SPATS2: variants seen among roughly 807,000 people sequenced by gnomAD.
SPATS2 encodes spermatogenesis-associated serine-rich protein 2.
SPATS2 carries 38 observed loss-of-function variants against 63.7 expected under a neutral mutation model. The observed-to-expected ratio is 0.60, with a 90% CI of 0.46 to 0.78. SPATS2 has a LOEUF of 0.78. Among genes scored for constraint, SPATS2 ranks in the 30% least tolerant of loss-of-function variants. SPATS2 has a pLI of 0.00. For missense variants in SPATS2, 588 were observed against 666.2 expected, an observed-to-expected ratio of 0.88 and a Z score of 1.29; for synonymous variants, 207 against 232.9, an observed-to-expected ratio of 0.89 and a Z score of 1.01.
At position 49,371,208 on chromosome 12, in the gene SPATS2, G is replaced by C. The variant is rs1485750958; in HGVS notation, c.-306-20G>C. On this transcript the variant is annotated intron_variant, in intron 1 of 13. Coordinates refer to ENST00000552918, the MANE Select transcript of SPATS2 (RefSeq NM_023071.4). The stretch of plus-strand genomic sequence containing the variant: ...TATATCTATTAAACAATAATTCCTT[G>C]TTTCTCTTTCTCTACCCAGCTGCTG... 1 of 151,990 alleles carries C rather than the reference G, an allele frequency of 6.6e-6. No individual in the cohort carries two copies. The highest frequency in any genetic ancestry group is 2.4e-5 in the African/African-American group (1 of 41,336). 9.4% of individuals were successfully genotyped at this position (151,990 alleles called of 1,614,324 possible). A position where few individuals can be genotyped will look rare whatever the true frequency, so the allele number is the denominator to read the frequency against.
intron 3 of SPATS2, among the ~76,000 whole-genome samples, chr12:49,467,966 C>A (rs945347402): frequency 6.6e-6 from 1 of 152,164 alleles, no homozygotes; most frequent in African/African-American, 2.4e-5. Flanking sequence ...ATCTCCTGAC[C>A]TCGTGATCCA....
chr12:49,468,367 C>T (rs550547409), intron 3 of SPATS2, among the ~76,000 whole-genome samples: 2 of 152,182 alleles, frequency 1.3e-5, no homozygotes, highest in South Asian at 4.2e-4. Context: ...ACCATGTTGG[C>T]CAGGCTGGTC....
chr12:49,382,454 CT>C (rs769914151), intron 2 of SPATS2, among the ~76,000 whole-genome samples: 2 of 152,168 alleles, frequency 1.3e-5, no homozygotes, highest in Non-Finnish European at 2.9e-5. Flanking sequence ...GTATGAAGTG[CT>C]TATTCATCTT....
chr12:49,474,852 A>T (rs1946093044), intron 3 of SPATS2, among the ~76,000 whole-genome samples: 1 of 152,232 alleles, frequency 6.6e-6, no homozygotes, highest in African/African-American at 2.4e-5. Flanking sequence ...AAAGAGGTTT[A>T]TTGGATTTAC....
intron 2 of SPATS2, chr12:49,390,162 C>G: frequency 6.6e-7 from 1 of 1,522,438 alleles, no homozygotes; most frequent in Non-Finnish European, 9.0e-7. Flanking sequence ...TGAGGAAGAG[C>G]TGAAGAGCTT....
At chr12:49,380,274 T>G (rs1404198235) in intron 2 of SPATS2, among the ~76,000 whole-genome samples, 3 of 150,796 alleles carry the variant, frequency 2.0e-5, no homozygotes, top group Admixed American at 6.6e-5. Context: ...ACCTCCCACA[T>G]CAGCCTCCCA....
At chr12:49,367,317 G>T, upstream of SPATS2, 2 of 380,804 alleles carry the variant, frequency 5.3e-6, no homozygotes, top group South Asian at 1.3e-4. Flanking sequence ...CTCCGGGGCG[G>T]GGCGAGCCGC....
At chr12:49,425,870 C>T (rs1228253581) in intron 2 of SPATS2, among the ~76,000 whole-genome samples, 1 of 151,980 alleles carries the variant, frequency 6.6e-6, no homozygotes, top group African/African-American at 2.4e-5. Context: ...TGACCTCAAG[C>T]GATCTGCCTG....
At chr12:49,421,269 TTAGCTGGGC>T (rs1479484708) in intron 2 of SPATS2, among the ~76,000 whole-genome samples, 11 of 151,694 alleles carry the variant, frequency 7.3e-5, no homozygotes, top group Non-Finnish European at 1.5e-4. Context: ...AATACAAAAA[TTAGCTGGGC>T]ATGGTGGCGT....
At chr12:49,509,024 A>G (rs1316392192) in intron 9 of SPATS2, among the ~76,000 whole-genome samples, 1 of 151,876 alleles carries the variant, frequency 6.6e-6, no homozygotes, top group Non-Finnish European at 1.5e-5. Context: ...AGATCATGCC[A>G]CTGCACTCTG....
intron 6 of SPATS2, among the ~76,000 whole-genome samples, chr12:49,494,307 G>A (rs1041799427): frequency 3.3e-5 from 5 of 152,122 alleles, no homozygotes; most frequent in Non-Finnish European, 7.4e-5. Context: ...TAATTGCAGT[G>A]CAGTTTTAAT....
At chr12:49,514,427 A>C (rs1481034818) in intron 9 of SPATS2, 128 bp from the exon 10 acceptor site, 14 of 754,184 alleles carry the variant, frequency 1.9e-5, no homozygotes, top group Non-Finnish European at 2.8e-5. Context: ...TATGTGATCC[A>C]TACAATATTA....
intron 3 of SPATS2, chr12:49,463,723 T>C (rs1453743297): frequency 1.3e-5 from 2 of 152,186 alleles, no homozygotes; most frequent in Admixed American, 1.3e-4. Flanking sequence ...AAAAGAAGGG[T>C]CTATGGTAGT....
intron 2 of SPATS2, among the ~76,000 whole-genome samples, chr12:49,403,148 C>G (rs1178450123): frequency 6.6e-6 from 1 of 152,078 alleles, no homozygotes. Flanking sequence ...CCTGATGTCT[C>G]AAGGCAAATT....
chr12:49,526,423 T>A lies in SPATS2; in HGVS notation c.*168T>A. ...TGTCTCCTTATTTCCTCTTTACCAT[T>A]TTTGGAGGGGAAGCTATTTTTTTTC... On this transcript the variant is annotated 3_prime_UTR_variant, in exon 14 of 14. Transcript: ENST00000552918. The A allele has an allele frequency of 1.2e-6, 1 of 817,466 alleles. No homozygotes were observed. Among genetic ancestry groups the A allele is most frequent in the Non-Finnish European group, 1.8e-6 (1 of 544,402 alleles). The allele number at this position is 817,466 out of a possible 1,614,324, so 50.6% of individuals were successfully genotyped here. A position where few individuals can be genotyped will look rare whatever the true frequency, so the allele number is the denominator to read the frequency against.
intron 2 of SPATS2, among the ~76,000 whole-genome samples, chr12:49,438,790 C>CTTCATTCA (rs554805108): frequency 3.9e-5 from 6 of 152,062 alleles, no homozygotes; most frequent in Non-Finnish European, 7.4e-5. Flanking sequence ...CAGGAGTACT[C>CTTCATTCA]TTCATTCATT....
chr12:49,397,915 C>T (rs1400162759), intron 2 of SPATS2, among the ~76,000 whole-genome samples: 6 of 148,824 alleles, frequency 4.0e-5, no homozygotes, highest in East Asian at 3.9e-4. Flanking sequence ...TGTGGGAGGC[C>T]GAGGTGGGCA....
chr12:49,466,834 T>C (rs960834836), intron 3 of SPATS2, among the ~76,000 whole-genome samples: 1 of 152,158 alleles, frequency 6.6e-6, no homozygotes, highest in African/African-American at 2.4e-5. Flanking sequence ...TACAAGAATA[T>C]CTGCTTGGAA....
rs534400246 is a variant in SPATS2, at chr12:49,503,304, C to T, written c.839+3099C>T. Among the ~76,000 whole-genome samples, 73 of 151,266 alleles carry T rather than the reference C, an allele frequency of 4.8e-4. No homozygotes were observed. In the South Asian group the frequency reaches 0.012, roughly 26 times the overall value. ...GGTGGAGGTTGCAGTGAGCTGAGAT[C>T]GCGCCATTGCACTCCAGCCTGGGCG... is the stretch of plus-strand genomic sequence containing the variant. On this transcript the variant is annotated intron_variant, in intron 9 of 13. Coordinates refer to ENST00000552918, the MANE Select transcript of SPATS2 (RefSeq NM_023071.4).
Sources: gnomAD v4.1 joint callset for allele counts (sites outside exome capture counted in the v4.1 genomes callset) on GRCh38, gnomAD v4.1.1 for gene constraint, MANE v1.5 for transcripts, NCBI Gene and HGNC (gene_info 2026-07-23, HGNC 2026-07-21) for gene names.